FNTB: variants seen among roughly 807,000 people sequenced by gnomAD.
FNTB encodes protein farnesyltransferase subunit beta.
FNTB carries 27 observed loss-of-function variants against 59.4 expected under a neutral mutation model. The ratio of observed to expected loss-of-function variants is 0.45; its 90% CI spans 0.34 to 0.63. The LOEUF (loss-of-function observed/expected upper bound fraction) is 0.63. Ranked by LOEUF, FNTB falls within the 20% of genes least tolerant of loss-of-function variation. FNTB has a pLI of 0.02. For synonymous variants in FNTB, 230 were observed against 220.7 expected (o/e 1.04, Z -0.37); for missense variants, 449 against 559.6 (o/e 0.80, Z 1.99).
Position 64,987,739 on chromosome 14 carries a change from G to C in FNTB, c.144+642G>C, listed in dbSNP as rs182372271. On this transcript the variant is annotated intron_variant, in intron 1 of 11. Transcript: ENST00000246166. ...AGTTTGGAAAGTGATCTAATAGAAA[G>C]AATGGATTTTGGACTACTAATCATT... 2.9e-4 allele frequency among the ~76,000 whole-genome samples: 44 copies of C among 152,328 alleles called. 1 individual carries two copies. The highest frequency in any genetic ancestry group is 5.1e-4 in the Non-Finnish European group (35 of 68,022).
intron 4 of FNTB, among the ~76,000 whole-genome samples, chr14:65,025,710 G>A (rs1319769128): frequency 6.6e-6 from 1 of 152,162 alleles, no homozygotes; most frequent in Non-Finnish European, 1.5e-5. Context: ...AGCTACTTGG[G>A]AGGCTGAGGT....
intron 1 of FNTB, among the ~76,000 whole-genome samples, chr14:64,992,468 A>C (rs915633437): frequency 6.6e-6 from 1 of 152,148 alleles, no homozygotes; most frequent in Non-Finnish European, 1.5e-5. Context: ...CTTTGACTTC[A>C]CTATTTTTAT....
rs2062442725 is a variant in FNTB, at chr14:65,044,957, T to C, written c.955+514T>C. Among the ~76,000 whole-genome samples the C allele has an allele frequency of 2.0e-5, 3 of 152,314 alleles. No homozygotes were observed. The South Asian group carries it at 6.2e-4, about 32-fold the overall frequency. ...AAGAGACTCGCCGTGTCTGACTGGCTGCAGAGTTGTCACTATTAGAAATGT... is the reference window on the plus strand; with the variant it reads ...AAGAGACTCGCCGTGTCTGACTGGCCGCAGAGTTGTCACTATTAGAAATGT... On this transcript the variant is annotated intron_variant, in intron 9 of 11. Coordinates refer to ENST00000246166, the MANE Select transcript of FNTB (RefSeq NM_002028.4). The surrounding 1 kb of genome is among the most constrained non-coding windows in gnomAD (Gnocchi z 5.5).
intron 2 of FNTB, among the ~76,000 whole-genome samples, chr14:65,008,953 C>T (rs1489147386): frequency 6.6e-6 from 1 of 152,170 alleles, no homozygotes. Context: ...AGACGGGGGC[C>T]CTCCTCATCC....
rs181811777 is a variant in FNTB, at chr14:65,030,541, C to T, written c.606-2069C>T. 1.3e-3 allele frequency among the ~76,000 whole-genome samples: 191 copies of T among 152,170 alleles called. No individual in the cohort carries two copies. The highest frequency in any genetic ancestry group is 4.6e-3 in the African/African-American group (191 of 41,524). The stretch of plus-strand genomic sequence containing the variant: ...ATCACTTGAGGCCAGGAGTTCAAGA[C>T]CAACCTGGGTAACACAGCAAGACCC... On this transcript the variant is annotated intron_variant, in intron 6 of 11. Transcript: ENST00000246166. This position sits in a 1 kb window ranked among gnomAD's most constrained non-coding sequence, Gnocchi z 4.5.
In FNTB at chr14:65,047,375, AC is replaced by A. The variant is rs540473107; in HGVS notation, c.955+2935del. 2.4e-3 allele frequency among the ~76,000 whole-genome samples: 368 copies of A among 152,346 alleles called. No homozygotes were observed. The highest frequency in any genetic ancestry group is 8.4e-3 in the African/African-American group (351 of 41,572). ...TGAATCCAGACTAGCTGGCATCTGA[AC>A]CCTGCCCTGCTCATAACCACAGTAG... On this transcript the variant is annotated intron_variant, in intron 9 of 11. Coordinates refer to ENST00000246166, the MANE Select transcript of FNTB (RefSeq NM_002028.4). This position sits in a 1 kb window ranked among gnomAD's most constrained non-coding sequence, Gnocchi z 5.2.
chr14:64,989,328 C>CA (rs1377973950), intron 1 of FNTB, among the ~76,000 whole-genome samples: 1 of 149,910 alleles, frequency 6.7e-6, no homozygotes, highest in African/African-American at 2.5e-5. Context: ...CCTGTAGTCC[C>CA]AGCTACTTGG....
At chr14:65,035,202 AC>A (rs2062161531) in intron 7 of FNTB, among the ~76,000 whole-genome samples, 1 of 151,834 alleles carries the variant, frequency 6.6e-6, no homozygotes, top group African/African-American at 2.4e-5. Flanking sequence ...CTGACCCCTG[AC>A]CCCTGGCCTG....
intron 9 of FNTB, among the ~76,000 whole-genome samples, chr14:65,046,157 G>A (rs1304408202): frequency 6.6e-6 from 1 of 152,010 alleles, no homozygotes; most frequent in Non-Finnish European, 1.5e-5. Context: ...TGTATTTTTA[G>A]TAGAGACAGG....
At chr14:65,046,221 C>T (rs2062473554) in intron 9 of FNTB, among the ~76,000 whole-genome samples, 1 of 152,166 alleles carries the variant, frequency 6.6e-6, no homozygotes, top group South Asian at 2.1e-4. Context: ...GGTGATCTGT[C>T]CGCCTTGGCC....
Position 65,061,662 on chromosome 14 carries a change from G to A in FNTB, c.*350G>A. ...GAGTATTACGGCATCCAGAGCCACTGCTGACTCCCACTTGCACGCCACCAT... is the reference window on the plus strand; with the variant it reads ...GAGTATTACGGCATCCAGAGCCACTACTGACTCCCACTTGCACGCCACCAT... On this transcript the variant is annotated 3_prime_UTR_variant, in exon 12 of 12. Coordinates refer to ENST00000246166, the MANE Select transcript of FNTB (RefSeq NM_002028.4). 4.7e-6 allele frequency: 1 copy of A among 211,124 alleles called. No individual in the cohort carries two copies. The highest frequency in any genetic ancestry group is 9.9e-6 in the Non-Finnish European group (1 of 100,892). The allele number at this position is 211,124 out of a possible 1,614,324, so 13.1% of individuals were successfully genotyped here.
chr14:65,000,838 A>AAAAAAAAAAAAAAAAAAGAAAG (rs778200008), intron 1 of FNTB, among the ~76,000 whole-genome samples: 1 of 116,022 alleles, frequency 8.6e-6, no homozygotes, highest in Non-Finnish European at 2.0e-5. Flanking sequence ...AAAAAAAAAA[A>AAAAAAAAAAAAAAAAAAGAAAG]AAAGAATAGT....
Position 65,004,281 on chromosome 14 carries a change from C to T in FNTB, c.177C>T (p.Phe59=). The T allele has an allele frequency of 2.5e-6, 4 of 1,613,266 alleles. No individual in the cohort carries two copies. The highest frequency in any genetic ancestry group is 3.4e-6 in the Non-Finnish European group (4 of 1,179,566). ...TAGAAGAAAAGATCCAAGAGGTCTTCAGTTCTTACAAGTTCAACCACCTTG... is the reference window on the plus strand; with the variant it reads ...TAGAAGAAAAGATCCAAGAGGTCTTTAGTTCTTACAAGTTCAACCACCTTG... ...AKVEEKIQEV[F]SSYKFNHLVP... Residue 59 remains phenylalanine (F), a synonymous_variant, in exon 2 of 12, where the codon TTC becomes TTT. Transcript: ENST00000246166.
chr14:65,053,396 C>T, intron 10 of FNTB, 47 bp downstream of exon 10: 4 of 1,344,882 alleles, frequency 3.0e-6, no homozygotes, highest in Non-Finnish European at 3.9e-6. Context: ...GAGGAGAGAG[C>T]AGAGGGGCGT....
At chr14:65,039,824 G>A (rs2062304828) in intron 7 of FNTB, among the ~76,000 whole-genome samples, 1 of 152,066 alleles carries the variant, frequency 6.6e-6, no homozygotes, top group African/African-American at 2.4e-5. Context: ...TAGTATACAG[G>A]TTCATTATAA....
At chr14:65,016,103 G>A (rs2061768325) in intron 4 of FNTB, among the ~76,000 whole-genome samples, 1 of 152,158 alleles carries the variant, frequency 6.6e-6, no homozygotes, top group South Asian at 2.1e-4. Flanking sequence ...AAATGCCTTT[G>A]CCTTTCCTAC....
In FNTB at chr14:65,014,306, A is replaced by G. The variant is rs1179450310; in HGVS notation, c.283-1319A>G. ...TTAATTAGGATCAAGAGCCGTCTGC[A>G]TTTTGCCTTTGGAAGCCTTTCCTAG... On this transcript the variant is annotated intron_variant, in intron 3 of 11. Coordinates refer to ENST00000246166, the MANE Select transcript of FNTB (RefSeq NM_002028.4). The surrounding 1 kb of genome is among the most constrained non-coding windows in gnomAD (Gnocchi z 5.1). Among the ~76,000 whole-genome samples, 1 of 152,182 alleles carries G rather than the reference A, an allele frequency of 6.6e-6. No homozygotes were observed. The highest frequency in any genetic ancestry group is 2.4e-5 in the African/African-American group (1 of 41,440).
chr14:65,004,714 G>A (rs888191173), intron 2 of FNTB, among the ~76,000 whole-genome samples: 1 of 151,868 alleles, frequency 6.6e-6, no homozygotes, highest in African/African-American at 2.4e-5. Flanking sequence ...CCAGGCTGGG[G>A]TGCAGTGGCA....
chr14:65,019,416 G>A (rs1043059344), intron 4 of FNTB, among the ~76,000 whole-genome samples: 1 of 151,586 alleles, frequency 6.6e-6, no homozygotes, highest in Non-Finnish European at 1.5e-5. Context: ...GAATCCGGGA[G>A]GCAGAGGTTG....
Sources: gnomAD v4.1 joint callset for allele counts (sites outside exome capture counted in the v4.1 genomes callset) on GRCh38, gnomAD v4.1.1 for gene constraint, Gnocchi (gnomAD v3.1) non-coding constraint, MANE v1.5 for transcripts, NCBI Gene and HGNC (gene_info 2026-07-23, HGNC 2026-07-21) for gene names.